The following KIRREL3 variants were observed in gnomAD, a reference collection of about 807,000 sequenced individuals.
The protein encoded by KIRREL3 is kirre like nephrin family adhesion molecule 3, also known as kin of IRRE-like protein 3.
In KIRREL3, 36 loss-of-function variants were observed where a neutral mutation model predicts 89.7. The observed-to-expected ratio is 0.40, with a 90% CI of 0.31 to 0.53. The LOEUF (loss-of-function observed/expected upper bound fraction) is 0.53. Among genes scored for constraint, KIRREL3 ranks in the 20% least tolerant of loss-of-function variants. The pLI, the probability that KIRREL3 is intolerant of heterozygous loss-of-function variation, is 0.49. For missense variants in KIRREL3, 864 were observed against 1,056.6 expected (o/e 0.82, Z 2.53); for synonymous variants, 445 against 441.4 (o/e 1.01, Z -0.10).
intron 1 of KIRREL3, among the ~76,000 whole-genome samples, chr11:126,592,040 A>G (rs944392247): frequency 7.2e-5 from 11 of 152,146 alleles, no homozygotes; most frequent in Non-Finnish European, 1.5e-5. Context: ...CTCTCCAGAG[A>G]GGAGTCCCTG....
chr11:126,773,876 A>C lies in KIRREL3; in HGVS notation c.56-210964T>G, dbSNP rs1321944929. Reference sequence around the variant, plus strand: ...ATACTTCTGGGACTTTTAAAAGTGCAAACAGCAGAACACACCCCAGGGAGG... The same window carrying C: ...ATACTTCTGGGACTTTTAAAAGTGCCAACAGCAGAACACACCCCAGGGAGG... On this transcript the variant is annotated intron_variant, in intron 1 of 16. Coordinates refer to ENST00000525144, the MANE Select transcript of KIRREL3 (RefSeq NM_032531.4). The surrounding 1 kb of genome is among the most constrained non-coding windows in gnomAD (Gnocchi z 4.2). Among the ~76,000 whole-genome samples, 2 of 152,244 alleles carry C rather than the reference A, an allele frequency of 1.3e-5. No individual in the cohort carries two copies. The highest frequency in any genetic ancestry group is 2.1e-4 in the South Asian group (1 of 4,832).
At chr11:126,554,788 T>C (rs1382029872) in intron 2 of KIRREL3, among the ~76,000 whole-genome samples, 1 of 152,092 alleles carries the variant, frequency 6.6e-6, no homozygotes, top group Admixed American at 6.5e-5. Context: ...ACTCAATTTT[T>C]CTCCCAATTG....
intron 1 of KIRREL3, among the ~76,000 whole-genome samples, chr11:126,950,139 C>T (rs537429784): frequency 3.9e-5 from 6 of 152,100 alleles, no homozygotes; most frequent in African/African-American, 9.6e-5. Flanking sequence ...TTTGGGAGGC[C>T]GAGGCAGGTG....
chr11:126,562,984 G>A lies in KIRREL3; in HGVS notation c.56-72C>T. On this transcript the variant is annotated intron_variant, in intron 1 of 16. Coordinates refer to ENST00000525144, the MANE Select transcript of KIRREL3 (RefSeq NM_032531.4). This position sits in a 1 kb window ranked among gnomAD's most constrained non-coding sequence, Gnocchi z 4.7. The stretch of plus-strand genomic sequence containing the variant: ...GGCATTGTTGGGGGGCCCTCTGCAG[G>A]GGGCTGTGGAGCTTGTTGCTCTTAT... 1.8e-6 allele frequency: 2 copies of A among 1,086,484 alleles called. No homozygotes were observed. Among genetic ancestry groups the A allele is most frequent in the Admixed American group, 2.0e-5 (1 of 50,736 alleles). 67.3% of individuals were successfully genotyped at this position (1,086,484 alleles called of 1,614,324 possible).
chr11:126,618,068 G>A (rs1010526596), intron 1 of KIRREL3, among the ~76,000 whole-genome samples: 2 of 152,214 alleles, frequency 1.3e-5, no homozygotes, highest in African/African-American at 2.4e-5. Context: ...TCTCATGATA[G>A]TGAGTATGTG....
At chr11:126,895,186 G>A (rs1297748566) in intron 1 of KIRREL3, among the ~76,000 whole-genome samples, 1 of 152,046 alleles carries the variant, frequency 6.6e-6, no homozygotes, top group Non-Finnish European at 1.5e-5. Flanking sequence ...AAGAAGGCCG[G>A]GTGCAGTGGC....
chr11:126,621,397 T>C (rs1191147844), intron 1 of KIRREL3, among the ~76,000 whole-genome samples: 1 of 152,232 alleles, frequency 6.6e-6, no homozygotes, highest in Non-Finnish European at 1.5e-5. Context: ...TTGCTTGTTC[T>C]GTGAAGTGGA....
intron 1 of KIRREL3, among the ~76,000 whole-genome samples, chr11:126,718,048 A>G (rs555416381): frequency 6.6e-6 from 1 of 152,192 alleles, no homozygotes; most frequent in Non-Finnish European, 1.5e-5. Flanking sequence ...CCTCATGACA[A>G]GAGCTTTGTC....
Position 126,562,580 on chromosome 11 carries a change from G to A in KIRREL3, c.133+255C>T, listed in dbSNP as rs545522384. Among the ~76,000 whole-genome samples, 12 of 152,120 alleles carry A rather than the reference G, an allele frequency of 7.9e-5. No homozygotes were observed. The highest frequency in any genetic ancestry group is 1.3e-4 in the Admixed American group (2 of 15,280). ...AAATGGTAGGGAAGAGAGAGGAAGA[G>A]AAGTAGGAGACACAAAGGGAGAAGG... On this transcript the variant is annotated intron_variant, in intron 2 of 16. Transcript: ENST00000525144. The surrounding 1 kb of genome is among the most constrained non-coding windows in gnomAD (Gnocchi z 4.7).
Position 126,562,022 on chromosome 11 carries a change from G to A in KIRREL3, c.133+813C>T, listed in dbSNP as rs924810538. On this transcript the variant is annotated intron_variant, in intron 2 of 16. Transcript: ENST00000525144. This position sits in a 1 kb window ranked among gnomAD's most constrained non-coding sequence, Gnocchi z 4.7. ...GAGGGGTCCAGCCCATGGCAAGCAT[G>A]GCTGGTGGGAGCCAAGGCTTCATTT... is the stretch of plus-strand genomic sequence containing the variant. Among the ~76,000 whole-genome samples, 1 of 152,202 alleles carries A rather than the reference G, an allele frequency of 6.6e-6. No individual in the cohort carries two copies. Among genetic ancestry groups the A allele is most frequent in the Non-Finnish European group, 1.5e-5 (1 of 68,038 alleles).
At chr11:126,731,804 T>G (rs1283387889) in intron 1 of KIRREL3, among the ~76,000 whole-genome samples, 1 of 152,272 alleles carries the variant, frequency 6.6e-6, no homozygotes, top group Non-Finnish European at 1.5e-5. Flanking sequence ...CCGTAAGTGC[T>G]TCCATTTATT....
chr11:126,602,792 G>A lies in KIRREL3; in HGVS notation c.56-39880C>T, dbSNP rs116561435. 3.6e-3 allele frequency among the ~76,000 whole-genome samples: 547 copies of A among 152,286 alleles called. 9 individuals are homozygous for A. The highest frequency in any genetic ancestry group is 0.012 in the African/African-American group (513 of 41,554). ...CTGGGCTTGAGCTTGCTGTTCTGTC[G>A]GGGGCAGTTCGCGGGGCTGGGAGGA... On this transcript the variant is annotated intron_variant, in intron 1 of 16. Coordinates refer to ENST00000525144, the MANE Select transcript of KIRREL3 (RefSeq NM_032531.4).
intron 1 of KIRREL3, among the ~76,000 whole-genome samples, chr11:126,584,992 C>T (rs1941751363): frequency 1.3e-5 from 2 of 151,794 alleles, no homozygotes; most frequent in African/African-American, 4.8e-5. Context: ...AATCTCGGCT[C>T]ACTGCAAGCT....
At position 126,489,226 on chromosome 11, in the gene KIRREL3, G is replaced by A. The variant is rs893794731; in HGVS notation, c.434-15760C>T. The stretch of plus-strand genomic sequence containing the variant: ...GCTGCATGGGAATCACTGCTGGCTG[G>A]ACCCGGGTGCCTGGCTCGATGGGAG... On this transcript the variant is annotated intron_variant, in intron 4 of 16. Transcript: ENST00000525144. This position sits in a 1 kb window ranked among gnomAD's most constrained non-coding sequence, Gnocchi z 5.5. Among the ~76,000 whole-genome samples, 1 of 152,170 alleles carries A rather than the reference G, an allele frequency of 6.6e-6. No homozygotes were observed. The highest frequency in any genetic ancestry group is 6.5e-5 in the Admixed American group (1 of 15,274).
chr11:126,712,961 G>A (rs560463570), intron 1 of KIRREL3, among the ~76,000 whole-genome samples: 7 of 151,778 alleles, frequency 4.6e-5, no homozygotes, highest in African/African-American at 1.7e-4. Context: ...CTAGGTGTTA[G>A]GTGTTGAGTG....
At position 126,475,958 on chromosome 11, in the gene KIRREL3, G is replaced by A. The variant is rs1957051204; in HGVS notation, c.434-2492C>T. Among the ~76,000 whole-genome samples the A allele has an allele frequency of 6.6e-6, 1 of 152,200 alleles. No homozygotes were observed. Among genetic ancestry groups the A allele is most frequent in the South Asian group, 2.1e-4 (1 of 4,832 alleles). ...GGCTCCATGAGCTAGCTGAGGGCCT[G>A]GAAAAAGAGCCACGTGGAGCCCTGG... On this transcript the variant is annotated intron_variant, in intron 4 of 16. Coordinates refer to ENST00000525144, the MANE Select transcript of KIRREL3 (RefSeq NM_032531.4). The surrounding 1 kb of genome is among the most constrained non-coding windows in gnomAD (Gnocchi z 7.5).
At position 126,486,200 on chromosome 11, in the gene KIRREL3, G is replaced by A. The variant is rs1438049080; in HGVS notation, c.434-12734C>T. Among the ~76,000 whole-genome samples, 5 of 152,114 alleles carry A rather than the reference G, an allele frequency of 3.3e-5. No homozygotes were observed. The highest frequency in any genetic ancestry group is 4.8e-5 in the African/African-American group (2 of 41,416). ...TCAAGCAGACCAGTGTGCCTGTGCC[G>A]GCTCCAGATGACAGAGGGTGCTACG... is the stretch of plus-strand genomic sequence containing the variant. On this transcript the variant is annotated intron_variant, in intron 4 of 16. Coordinates refer to ENST00000525144, the MANE Select transcript of KIRREL3 (RefSeq NM_032531.4). This position sits in a 1 kb window ranked among gnomAD's most constrained non-coding sequence, Gnocchi z 6.2.
chr11:126,450,263 G>C (rs1745295995), intron 7 of KIRREL3, among the ~76,000 whole-genome samples: 2 of 151,752 alleles, frequency 1.3e-5, no homozygotes, highest in Non-Finnish European at 2.9e-5. Flanking sequence ...GAGTGTGCCT[G>C]TGTGTGCATG....
chr11:126,457,972 C>T (rs1036182395), intron 6 of KIRREL3, among the ~76,000 whole-genome samples: 5 of 152,222 alleles, frequency 3.3e-5, no homozygotes, highest in African/African-American at 9.6e-5. Flanking sequence ...GGATCCTCTC[C>T]AGAGGCTGGT....
Sources: gnomAD v4.1 joint callset for allele counts (sites outside exome capture counted in the v4.1 genomes callset) on GRCh38, gnomAD v4.1.1 for gene constraint, Gnocchi (gnomAD v3.1) non-coding constraint, MANE v1.5 for transcripts, NCBI Gene and HGNC (gene_info 2026-07-23, HGNC 2026-07-21) for gene names.